The following VPS45 variants were observed in gnomAD, a reference collection of about 807,000 sequenced individuals.
VPS45 encodes the protein vacuolar protein sorting-associated protein 45.
Under a neutral mutation model 75.9 loss-of-function variants are expected in VPS45, and 35 were observed. The observed-to-expected ratio is 0.46, with a 90% CI of 0.35 to 0.61. VPS45 has a LOEUF of 0.61. Ranked by LOEUF, VPS45 falls within the 20% of genes least tolerant of loss-of-function variation. The probability of loss-of-function intolerance (pLI) is 0.00; values close to 1 mark genes in which losing one functional copy is unlikely to be tolerated. For synonymous variants in VPS45, 220 were observed against 238.2 expected, an observed-to-expected ratio of 0.92 and a Z score of 0.70; for missense variants, 559 against 685.9, an observed-to-expected ratio of 0.81 and a Z score of 2.07.
At chr1:150,114,125 TC>T (rs1363180570) in intron 14 of VPS45, among the ~76,000 whole-genome samples, 1 of 152,080 alleles carries the variant, frequency 6.6e-6, no homozygotes, top group Non-Finnish European at 1.5e-5. Context: ...TGCCCCCTTT[TC>T]CCCCTCCACT....
At chr1:150,127,347 C>T (rs112013820) in intron 14 of VPS45, among the ~76,000 whole-genome samples, 3,773 of 148,810 alleles carry the variant, frequency 0.025, 99 homozygotes, top group African/African-American at 0.077. Flanking sequence ...AACAGGGTCT[C>T]GCTCTGTTGC....
intron 14 of VPS45, among the ~76,000 whole-genome samples, chr1:150,144,095 T>C (rs116100619): frequency 0.016 from 2,240 of 139,406 alleles, 52 homozygotes; most frequent in African/African-American, 0.057. Context: ...CAGGATATAA[T>C]CTGTATTTTG....
intron 13 of VPS45, among the ~76,000 whole-genome samples, chr1:150,106,620 G>A (rs1361255438): frequency 6.6e-6 from 1 of 151,894 alleles, no homozygotes; most frequent in Non-Finnish European, 1.5e-5. Flanking sequence ...TCTTGCTCTC[G>A]CTCTTGCTCT....
chr1:150,089,062 A>G (rs1286938803), intron 10 of VPS45, among the ~76,000 whole-genome samples: 1 of 152,196 alleles, frequency 6.6e-6, no homozygotes, highest in East Asian at 1.9e-4. Flanking sequence ...CCACGTCATC[A>G]TCAACAACAC....
intron 1 of VPS45, chr1:150,068,428 A>G (rs781976130): frequency 1.1e-4 from 49 of 444,502 alleles, no homozygotes; most frequent in Non-Finnish European, 1.5e-4. Flanking sequence ...TTTGTTTTTA[A>G]TCTTGAAGCT....
chr1:150,098,839 T>C, intron 13 of VPS45: 1 of 1,269,264 alleles, frequency 7.9e-7, no homozygotes, highest in Non-Finnish European at 1.0e-6. Context: ...AATTTTTTTT[T>C]CTCACTCTAG....
intron 14 of VPS45, among the ~76,000 whole-genome samples, chr1:150,124,169 A>G (rs918530390): frequency 2.0e-5 from 3 of 152,190 alleles, no homozygotes; most frequent in Admixed American, 1.3e-4. Flanking sequence ...TCATTGTTAA[A>G]AGGAAATGAG....
intron 14 of VPS45, among the ~76,000 whole-genome samples, chr1:150,138,271 T>A (rs182817335): frequency 5.1e-4 from 78 of 151,816 alleles, no homozygotes; most frequent in South Asian, 2.9e-3. Flanking sequence ...ACTTATTTTT[T>A]AAAAAAAAAT....
chr1:150,068,358 T>G (rs1553796286), intron 1 of VPS45: 1 of 377,338 alleles, frequency 2.7e-6, no homozygotes, highest in African/African-American at 2.1e-5. Context: ...CTCTTTAAGG[T>G]GATAGAAAAA....
At chr1:150,119,661 G>T (rs1346785902) in intron 14 of VPS45, among the ~76,000 whole-genome samples, 2 of 152,100 alleles carry the variant, frequency 1.3e-5, no homozygotes, top group Non-Finnish European at 2.9e-5. Flanking sequence ...CCATGGATTT[G>T]GATTAGTGGG....
rs149041700 is a variant in VPS45 at position 150,134,044 on chromosome 1, C to T, written c.1626-10665C>T. 1.8e-3 allele frequency among the ~76,000 whole-genome samples: 273 copies of T among 152,118 alleles called. 1 individual carries two copies. The highest frequency in any genetic ancestry group is 0.017 in the Middle Eastern group (5 of 294). ...GTGGCCAGTACTAAGGAGGGAATTCCGAAGGAATAGCTACATTTTTGAATA... is the reference window on the plus strand; with the variant it reads ...GTGGCCAGTACTAAGGAGGGAATTCTGAAGGAATAGCTACATTTTTGAATA... On this transcript the variant is annotated intron_variant, in intron 14 of 14. Coordinates refer to ENST00000644510, the MANE Select transcript of VPS45 (RefSeq NM_007259.5).
rs1553811982 is a variant in VPS45 at position 150,130,198 on chromosome 1, C to CACTTTTTT, written c.1626-14511_1626-14510insACTTTTTT. Among the ~76,000 whole-genome samples the CACTTTTTT allele has an allele frequency of 8.1e-5, 7 of 86,338 alleles. 1 individual carries two copies. The highest frequency in any genetic ancestry group is 3.5e-4 in the African/African-American group (7 of 19,908). The allele number at this position is 86,338 out of a possible 152,430, so 56.6% of individuals were successfully genotyped here. A position where few individuals can be genotyped will look rare whatever the true frequency, so the allele number is the denominator to read the frequency against. ...TATCTATATATAATACACACACACA[C>CACTTTTTT]TTTTTTTTTTTTTTTTTTTTGAGAG... On this transcript the variant is annotated intron_variant, in intron 14 of 14. Coordinates refer to ENST00000644510, the MANE Select transcript of VPS45 (RefSeq NM_007259.5).
intron 13 of VPS45, among the ~76,000 whole-genome samples, chr1:150,103,537 A>G (rs587705737): frequency 1.3e-5 from 2 of 152,148 alleles, no homozygotes; most frequent in Non-Finnish European, 1.5e-5. Flanking sequence ...TTGTCCTTAC[A>G]TGTATATAAC....
intron 13 of VPS45, among the ~76,000 whole-genome samples, chr1:150,095,545 C>T (rs1302060899): frequency 6.6e-6 from 1 of 150,542 alleles, no homozygotes; most frequent in African/African-American, 2.4e-5. Flanking sequence ...ACCTGGGAGG[C>T]GGAGGTTGCA....
At chr1:150,098,712 T>G (rs1321087201) in intron 13 of VPS45, 1 of 300,714 alleles carries the variant, frequency 3.3e-6, no homozygotes, top group South Asian at 7.0e-5. Flanking sequence ...TGGTGGAAAT[T>G]TTTTTAGCCC....
rs782431885 is a variant in VPS45 at position 150,092,087 on chromosome 1, T to C, written c.1255T>C (p.Tyr419His). Reference sequence around the variant, plus strand: ...CAGGAATAAAGGTGTTTCTGAGAAGTATCGAAAGGTAACCAGTTTCCATAT... The same window carrying C: ...CAGGAATAAAGGTGTTTCTGAGAAGCATCGAAAGGTAACCAGTTTCCATAT... ...DLRNKGVSEK[Y>H]RKLVSAVVEY... The change falls in exon 11 of 15, where the codon TAT becomes CAT. Residue 419 changes from tyrosine to histidine, a missense_variant. Coordinates refer to ENST00000644510, the MANE Select transcript of VPS45 (RefSeq NM_007259.5). 35 of 1,612,906 alleles carry C rather than the reference T, an allele frequency of 2.2e-5. 1 individual carries two copies. In the Admixed American group the frequency reaches 5.2e-4, roughly 24 times the overall value.
At chr1:150,074,009 T>G (rs1460227144) in intron 3 of VPS45, among the ~76,000 whole-genome samples, 5 of 1,384 alleles carry the variant, frequency 3.6e-3, no homozygotes, top group Admixed American at 7.2e-3. Flanking sequence ...GTGTGTGTGT[T>G]GTTTTTGTTT....
chr1:150,111,464 CT>C (rs1553807165), intron 14 of VPS45, among the ~76,000 whole-genome samples: 1 of 152,098 alleles, frequency 6.6e-6, no homozygotes, highest in Non-Finnish European at 1.5e-5. Flanking sequence ...GGAATTTCTA[CT>C]TTTTTACATA....
At chr1:150,089,085 A>G (rs1386667550) in intron 10 of VPS45, among the ~76,000 whole-genome samples, 1 of 152,204 alleles carries the variant, frequency 6.6e-6, no homozygotes, top group East Asian at 1.9e-4. Context: ...ACTATCTCTA[A>G]TAAGAAACAG....
Sources: gnomAD v4.1 joint callset for allele counts (sites outside exome capture counted in the v4.1 genomes callset) on GRCh38, gnomAD v4.1.1 for gene constraint, MANE v1.5 for transcripts, NCBI Gene and HGNC (gene_info 2026-07-23, HGNC 2026-07-21) for gene names.